RPSA2: variants seen among roughly 807,000 people sequenced by gnomAD.
RPSA2 encodes the protein small ribosomal subunit protein uS2B.
the RPSA2 span, among the ~76,000 whole-genome samples, chr19:23,779,040 G>A: frequency 2.5e-5 from 3 of 119,682 alleles, no homozygotes; most frequent in African/African-American, 3.3e-5. Context: ...TCGCTCTGTC[G>A]CCCAGGCTGG....
At chr19:23,835,348 CTGTT>C in the RPSA2 span, among the ~76,000 whole-genome samples, 18,024 of 151,982 alleles carry the variant, frequency 0.12, 1,341 homozygotes, top group Middle Eastern at 0.17. Context: ...TGGAGTAAGT[CTGTT>C]TGTGTGAGTA....
At chr19:23,787,973 G>T in the RPSA2 span, among the ~76,000 whole-genome samples, 1 of 152,174 alleles carries the variant, frequency 6.6e-6, no homozygotes, top group Non-Finnish European at 1.5e-5. Flanking sequence ...ATATCTTTGG[G>T]CCTGGGTCAT....
At chr19:23,776,950 C>T in the RPSA2 span, among the ~76,000 whole-genome samples, 2 of 152,292 alleles carry the variant, frequency 1.3e-5, no homozygotes, top group East Asian at 1.9e-4. Flanking sequence ...TTTCTGGGCC[C>T]AGCACCTAGG....
At chr19:23,824,584 T>TTTTTTC in the RPSA2 span, among the ~76,000 whole-genome samples, 1 of 1,434 alleles carries the variant, frequency 7.0e-4, no homozygotes, top group Non-Finnish European at 9.3e-3. Flanking sequence ...GCATTTCTTT[T>TTTTTTC]TTTTTTTTTT....
At chr19:23,817,630 C>T in the RPSA2 span, 1 of 151,870 alleles carries the variant, frequency 6.6e-6, no homozygotes, top group Admixed American at 6.6e-5. Flanking sequence ...TTAAGGTGCA[C>T]CCTGGCACAA....
At chr19:23,839,616 G>C in the RPSA2 span, among the ~76,000 whole-genome samples, 5 of 152,320 alleles carry the variant, frequency 3.3e-5, no homozygotes, top group South Asian at 1.0e-3. Flanking sequence ...CTGAGTTCTT[G>C]CCAGGAGGCT....
At chr19:23,795,298 A>G in the RPSA2 span, among the ~76,000 whole-genome samples, 1 of 151,686 alleles carries the variant, frequency 6.6e-6, no homozygotes, top group African/African-American at 2.4e-5. Flanking sequence ...GATATTTTCT[A>G]CTTATGAGTG....
the RPSA2 span, among the ~76,000 whole-genome samples, chr19:23,769,495 C>T: frequency 1.4e-4 from 21 of 152,262 alleles, no homozygotes; most frequent in East Asian, 7.7e-4. Flanking sequence ...AGGCATGCAC[C>T]GCCACAGTCA....
At chr19:23,828,608 T>C in the RPSA2 span, among the ~76,000 whole-genome samples, 1 of 148,350 alleles carries the variant, frequency 6.7e-6, no homozygotes, top group African/African-American at 2.5e-5. Context: ...ATTTTGGTCA[T>C]AGAATGTAGT....
the RPSA2 span, among the ~76,000 whole-genome samples, chr19:23,767,295 T>C: frequency 4.6e-5 from 7 of 151,962 alleles, no homozygotes; most frequent in African/African-American, 1.7e-4. Flanking sequence ...GCCAGGCTGG[T>C]CTCTAACTCA....
chr19:23,849,533 A>G, the RPSA2 span, among the ~76,000 whole-genome samples: 1 of 152,146 alleles, frequency 6.6e-6, no homozygotes. Flanking sequence ...GCAATAGCCA[A>G]TTTCCAAAGT....
At chr19:23,778,475 G>C in the RPSA2 span, among the ~76,000 whole-genome samples, 1 of 152,080 alleles carries the variant, frequency 6.6e-6, no homozygotes, top group Non-Finnish European at 1.5e-5. Context: ...CGGCCCCCCA[G>C]AGTACTGGGA....
the RPSA2 span, among the ~76,000 whole-genome samples, chr19:23,763,346 C>G: frequency 6.8e-3 from 1,036 of 152,356 alleles, 7 homozygotes; most frequent in South Asian, 0.024. Context: ...CTGGAGCCCC[C>G]TGAGCAAGCT....
the RPSA2 span, among the ~76,000 whole-genome samples, chr19:23,849,447 A>T: frequency 6.6e-6 from 1 of 152,182 alleles, no homozygotes; most frequent in African/African-American, 2.4e-5. Flanking sequence ...GGGGTTCAGA[A>T]TCATGGATGC....
chr19:23,809,814 T>C, the RPSA2 span, among the ~76,000 whole-genome samples: 3 of 152,216 alleles, frequency 2.0e-5, no homozygotes, highest in Non-Finnish European at 4.4e-5. Flanking sequence ...TCAATGACTT[T>C]AAATTTTTCT....
chr19:23,761,270 G>T, the RPSA2 span, among the ~76,000 whole-genome samples: 148,775 of 152,066 alleles, frequency 0.98, 72,869 homozygotes, highest in Middle Eastern at 1. Context: ...TGTAGAGACT[G>T]AGTCTCACTA....
the RPSA2 span, among the ~76,000 whole-genome samples, chr19:23,834,772 CA>C: frequency 6.6e-6 from 1 of 151,980 alleles, no homozygotes; most frequent in Non-Finnish European, 1.5e-5. Context: ...CCATCTTACA[CA>C]AGGGTGTAGG....
At chr19:23,773,251 C>G in the RPSA2 span, among the ~76,000 whole-genome samples, 1 of 149,780 alleles carries the variant, frequency 6.7e-6, no homozygotes, top group South Asian at 2.1e-4. Flanking sequence ...TGCCTGCCAC[C>G]ACGCCTGGCT....
the RPSA2 span, among the ~76,000 whole-genome samples, chr19:23,765,729 A>G: frequency 6.6e-6 from 1 of 152,288 alleles, no homozygotes; most frequent in South Asian, 2.1e-4. Context: ...CATGACACAA[A>G]TTTACCTATG....
Sources: gnomAD v4.1 joint callset for allele counts (sites outside exome capture counted in the v4.1 genomes callset) on GRCh38, gnomAD v4.1.1 for gene constraint, MANE v1.5 for transcripts, NCBI Gene and HGNC (gene_info 2026-07-23, HGNC 2026-07-21) for gene names.